The following PDE1C variants were observed in gnomAD, a reference collection of about 807,000 sequenced individuals.
The protein encoded by PDE1C is dual specificity calcium/calmodulin-dependent 3',5'-cyclic nucleotide phosphodiesterase 1C.
A neutral mutation model predicts 93.1 loss-of-function variants in PDE1C; 62 were observed. The observed-to-expected ratio is 0.67, with a 90% CI of 0.54 to 0.82. The LOEUF is 0.82. Among genes scored for constraint, PDE1C ranks in the 40% least tolerant of loss-of-function variants. PDE1C has a pLI of 0.00. For missense variants in PDE1C, 742 were observed against 884.6 expected, an observed-to-expected ratio of 0.84 and a Z score of 2.04; for synonymous variants, 325 against 310.1, an observed-to-expected ratio of 1.05 and a Z score of -0.50.
chr7:32,305,709 C>G (rs1321430444), intron 1 of PDE1C, among the ~76,000 whole-genome samples: 2 of 152,216 alleles, frequency 1.3e-5, no homozygotes, highest in African/African-American at 4.8e-5. Context: ...GTTAGAGTTT[C>G]AGGCATTCCT....
intron 1 of PDE1C, among the ~76,000 whole-genome samples, chr7:32,061,280 C>T (rs1034564822): frequency 2.0e-5 from 3 of 152,160 alleles, no homozygotes; most frequent in Admixed American, 6.5e-5. Flanking sequence ...TATTGAATAC[C>T]GGGTCCTTGC....
intron 9 of PDE1C, among the ~76,000 whole-genome samples, chr7:31,846,122 T>A (rs1792544887): frequency 6.6e-6 from 1 of 152,156 alleles, no homozygotes; most frequent in Middle Eastern, 3.2e-3. Flanking sequence ...AATCCTGGCT[T>A]CCTGACAATC....
intron 1 of PDE1C, among the ~76,000 whole-genome samples, chr7:32,278,761 A>T (rs1811448237): frequency 6.6e-6 from 1 of 152,238 alleles, no homozygotes; most frequent in Non-Finnish European, 1.5e-5. Flanking sequence ...GGATGTTCAG[A>T]TACACAAGCT....
At chr7:31,790,169 G>A (rs1584093171) in intron 16 of PDE1C, 1 of 1,600,504 alleles carries the variant, frequency 6.2e-7, no homozygotes, top group East Asian at 2.2e-5. Flanking sequence ...GGAAGAAGGA[G>A]AAGAAGGAGA....
chr7:31,812,636 T>G (rs1787699430), intron 15 of PDE1C, among the ~76,000 whole-genome samples: 1 of 152,182 alleles, frequency 6.6e-6, no homozygotes, highest in African/African-American at 2.4e-5. Context: ...ATAACTCATT[T>G]GTTTGTATAT....
intron 1 of PDE1C, among the ~76,000 whole-genome samples, chr7:32,374,133 A>AGAG (rs1784379667): frequency 2.8e-5 from 4 of 144,642 alleles, no homozygotes; most frequent in Admixed American, 7.1e-5. Context: ...AGAGAGAAGA[A>AGAG]AGAGACGAAA....
At chr7:32,120,038 G>A (rs868334239) in intron 3 of PDE1C, among the ~76,000 whole-genome samples, 3 of 152,212 alleles carry the variant, frequency 2.0e-5, no homozygotes, top group Non-Finnish European at 2.9e-5. Flanking sequence ...TCCAGGTCAC[G>A]CTTTTCCCCT....
chr7:32,126,659 G>A (rs1584811647), intron 3 of PDE1C, among the ~76,000 whole-genome samples: 1 of 152,186 alleles, frequency 6.6e-6, no homozygotes, highest in East Asian at 1.9e-4. Context: ...ATAACTATTT[G>A]TCATCCCCAA....
In PDE1C at chr7:32,306,683, T is replaced by A. The variant is rs186140853; in HGVS notation, c.311-97144A>T. On this transcript the variant is annotated intron_variant, in intron 1 of 1. Coordinates refer to the PDE1C transcript ENST00000672256. Reference sequence around the variant, plus strand: ...GTGACTCCCTGTCGCTGTAGAAAAATTGATACTTAGAATAAAGTAAAAACC... The same window carrying A: ...GTGACTCCCTGTCGCTGTAGAAAAAATGATACTTAGAATAAAGTAAAAACC... 6.6e-5 allele frequency among the ~76,000 whole-genome samples: 10 copies of A among 152,296 alleles called. No homozygotes were observed. In the East Asian group the frequency reaches 1.9e-3, roughly 29 times the overall value.
intron 2 of PDE1C, among the ~76,000 whole-genome samples, chr7:31,946,825 C>G (rs2129008719): frequency 6.6e-6 from 1 of 152,308 alleles, no homozygotes; most frequent in Non-Finnish European, 1.5e-5. Flanking sequence ...TTGGGTCCAG[C>G]TGCCCCAACA....
intron 2 of PDE1C, among the ~76,000 whole-genome samples, chr7:31,883,325 C>T (rs903291524): frequency 5.9e-5 from 9 of 152,098 alleles, no homozygotes; most frequent in Non-Finnish European, 1.3e-4. Context: ...CGTGAGTCTC[C>T]AGTTAAATGG....
intron 3 of PDE1C, among the ~76,000 whole-genome samples, chr7:32,147,314 AAG>A (rs1800948094): frequency 1.4e-5 from 2 of 144,460 alleles, no homozygotes; most frequent in Admixed American, 7.0e-5. Context: ...GAAAGAAAGA[AAG>A]AAAGAAAGAA....
chr7:32,032,095 CAA>C lies in PDE1C; in HGVS notation c.128+19457_128+19458del, dbSNP rs1330624753. Among the ~76,000 whole-genome samples the C allele has an allele frequency of 2.6e-5, 4 of 152,050 alleles. No homozygotes were observed. In the East Asian group the frequency reaches 5.8e-4, roughly 22 times the overall value. Reference sequence around the variant, plus strand: ...CTAGGGCCAAAAACTACAATAAAGTCAAAAGAGTAGACATACTTCCTCATAAG... The same window carrying C: ...CTAGGGCCAAAAACTACAATAAAGTCAAGAGTAGACATACTTCCTCATAAG... On this transcript the variant is annotated intron_variant, in intron 2 of 17. Coordinates refer to ENST00000396191, the MANE Select transcript of PDE1C (RefSeq NM_001191057.4).
At chr7:31,838,033 G>C in intron 9 of PDE1C, 62 bp from the exon 10 acceptor site, 1 of 954,792 alleles carries the variant, frequency 1.0e-6, no homozygotes, top group Non-Finnish European at 1.6e-6. Context: ...AAAAATCAGT[G>C]TTTTTTTTTT....
At chr7:32,030,220 C>T (rs1790133156) in intron 2 of PDE1C, among the ~76,000 whole-genome samples, 1 of 151,694 alleles carries the variant, frequency 6.6e-6, no homozygotes, top group Non-Finnish European at 1.5e-5. Context: ...CTTTGGTCTT[C>T]TCAGTAGTAT....
At chr7:32,091,515 G>A (rs1428785578) in intron 3 of PDE1C, among the ~76,000 whole-genome samples, 2 of 152,190 alleles carry the variant, frequency 1.3e-5, no homozygotes. Flanking sequence ...AAGAAGGTGA[G>A]CAAGTGAGCA....
chr7:31,848,881 C>T (rs1389480365), intron 8 of PDE1C, among the ~76,000 whole-genome samples: 1 of 152,152 alleles, frequency 6.6e-6, no homozygotes, highest in Non-Finnish European at 1.5e-5. Context: ...CTGCCATTGG[C>T]CAAACTTTGG....
the PDE1C span, among the ~76,000 whole-genome samples, chr7:31,649,805 G>T: frequency 2.0e-5 from 3 of 152,184 alleles, no homozygotes; most frequent in Non-Finnish European, 4.4e-5. Context: ...CCGGCAAATG[G>T]ACTGGGCTTG....
intron 16 of PDE1C, chr7:31,789,068 T>G (rs1018169899): frequency 2.0e-5 from 3 of 152,142 alleles, no homozygotes; most frequent in African/African-American, 7.2e-5. Flanking sequence ...CCCCACTTCA[T>G]CATCAGCATA....
Sources: allele counts gnomAD v4.1 joint callset (sites outside exome capture counted in the v4.1 genomes callset), GRCh38; gene constraint gnomAD v4.1.1; transcripts MANE v1.5; gene names NCBI Gene and HGNC (gene_info 2026-07-23, HGNC 2026-07-21).